Variants in ZNF536 observed in about 807,000 individuals in gnomAD.
ZNF536 encodes zinc finger protein 536.
In ZNF536, 13 loss-of-function variants were observed where a neutral mutation model predicts 84.5. The observed-to-expected ratio is 0.15, with a 90% CI of 0.10 to 0.24. The LOEUF (loss-of-function observed/expected upper bound fraction) is 0.24, where lower values mean the gene tolerates loss of function less well. Ranked by LOEUF, ZNF536 falls within the 10% of genes least tolerant of loss-of-function variation. The pLI, the probability that ZNF536 is intolerant of heterozygous loss-of-function variation, is 1.00. For synonymous variants in ZNF536, 811 were observed against 742.5 expected, an observed-to-expected ratio of 1.09 and a Z score of -1.50; for missense variants, 1,536 against 1,747.5, an observed-to-expected ratio of 0.88 and a Z score of 2.16.
intron 2 of ZNF536, among the ~76,000 whole-genome samples, chr19:30,506,641 G>A (rs1966227876): frequency 6.6e-6 from 1 of 152,218 alleles, no homozygotes; most frequent in East Asian, 1.9e-4. Context: ...GGGGTGTGGG[G>A]TGCATGTGCG....
rs1210264833 is a variant in ZNF536, at chr19:30,291,122, T to TA, written c.-120+6981_-120+6982insA. Among the ~76,000 whole-genome samples, 3 of 152,246 alleles carry TA rather than the reference T, an allele frequency of 2.0e-5. No homozygotes were observed. The East Asian group carries it at 5.8e-4, about 29-fold the overall frequency. On this transcript the variant is annotated intron_variant, in intron 2 of 5. Transcript: ENST00000585628. ...ATTTTGGTTGGTTCCAAGTCTTTAC[T>TA]TTGTAGATAGTGCTGCAAAAAATAT... is the stretch of plus-strand genomic sequence containing the variant.
Position 30,702,374 on chromosome 19 carries a change from G to T in ZNF536, c.170-8383G>T, listed in dbSNP as rs2148009094. Among the ~76,000 whole-genome samples the T allele has an allele frequency of 1.3e-5, 2 of 152,166 alleles. 1 individual carries two copies. The highest frequency in any genetic ancestry group is 4.1e-4 in the South Asian group (2 of 4,824). ...GCGACAATACAAATTAACGTATGATGTACTTACTTTTCGCATGGCAGTGAT... is the reference window on the plus strand; with the variant it reads ...GCGACAATACAAATTAACGTATGATTTACTTACTTTTCGCATGGCAGTGAT... On this transcript the variant is annotated intron_variant, in intron 1 of 1. Transcript: ENST00000592773.
intron 2 of ZNF536, among the ~76,000 whole-genome samples, chr19:30,485,603 C>CT (rs60352241): frequency 0.093 from 13,122 of 141,248 alleles, 1,426 homozygotes; most frequent in African/African-American, 0.27. Flanking sequence ...TTTTTTTCTT[C>CT]TTTTTTTTTT....
intron 1 of ZNF536, among the ~76,000 whole-genome samples, chr19:30,707,055 T>C (rs7254171): frequency 0.23 from 34,605 of 152,038 alleles, 4,013 homozygotes; most frequent in East Asian, 0.33. Flanking sequence ...TAGCTCGAAC[T>C]CTCTCTCAGT....
intron 1 of ZNF536, among the ~76,000 whole-genome samples, chr19:30,622,917 A>G (rs1600062232): frequency 6.8e-6 from 1 of 147,544 alleles, no homozygotes; most frequent in South Asian, 2.1e-4. Flanking sequence ...CCCCTGCCCC[A>G]TCTTGGACCC....
chr19:30,467,935 C>T (rs756456707), intron 2 of ZNF536, among the ~76,000 whole-genome samples: 2 of 152,240 alleles, frequency 1.3e-5, no homozygotes, highest in Non-Finnish European at 2.9e-5. Context: ...CCTGGCCGCA[C>T]AGCGGCCTGT....
At chr19:30,396,588 C>A (rs2049826952) in intron 1 of ZNF536, among the ~76,000 whole-genome samples, 1 of 89,998 alleles carries the variant, frequency 1.1e-5, no homozygotes. Context: ...TGAGAGGGCT[C>A]TCTCTTTTTT....
intron 3 of ZNF536, among the ~76,000 whole-genome samples, chr19:30,355,517 A>G (rs769932958): frequency 2.0e-5 from 3 of 152,002 alleles, no homozygotes; most frequent in Non-Finnish European, 2.9e-5. Context: ...CCTCCCAAGT[A>G]ACTAGGACTA....
intron 3 of ZNF536, among the ~76,000 whole-genome samples, chr19:30,357,029 G>A (rs1009228239): frequency 3.3e-5 from 5 of 152,238 alleles, no homozygotes; most frequent in African/African-American, 9.6e-5. Context: ...GACAGACAAG[G>A]GCCCTGTCCT....
rs1305856958 is a variant in ZNF536, at chr19:30,445,626, G to A, written c.2064G>A (p.Thr688=). The change falls in exon 2 of 5, where the codon ACG becomes ACA. Residue 688 remains threonine, a synonymous_variant. Coordinates refer to ENST00000355537, the MANE Select transcript of ZNF536 (RefSeq NM_014717.3). The surrounding 1 kb of genome is among the most constrained non-coding windows in gnomAD (Gnocchi z 4.5). ...CCCAGTCGGTGAGCCGCTCCACCACGCCGGGCTCCTCTAACGTCACCGAGG... is the reference window on the plus strand; with the variant it reads ...CCCAGTCGGTGAGCCGCTCCACCACACCGGGCTCCTCTAACGTCACCGAGG... ...QESQSVSRST[T]PGSSNVTEES... is the part of the protein sequence containing the mutation. The A allele has an allele frequency of 3.1e-6, 5 of 1,612,706 alleles. No homozygotes were observed. The highest frequency in any genetic ancestry group is 4.2e-6 in the Non-Finnish European group (5 of 1,179,600).
rs112754972 is a variant in ZNF536, at chr19:30,680,358, C to T, written c.170-30399C>T. Among the ~76,000 whole-genome samples the T allele has an allele frequency of 2.7e-5, 4 of 149,674 alleles. No homozygotes were observed. The South Asian group carries it at 6.4e-4, about 24-fold the overall frequency. The stretch of plus-strand genomic sequence containing the variant: ...TGTTGGTGTGCTGCACCCATTAACT[C>T]GTCATTTAGCATTAGGTATATCTCC... On this transcript the variant is annotated intron_variant, in intron 1 of 1. Transcript: ENST00000592773.
At chr19:30,703,175 G>A (rs2052063355) in intron 1 of ZNF536, among the ~76,000 whole-genome samples, 1 of 152,174 alleles carries the variant, frequency 6.6e-6, no homozygotes, top group South Asian at 2.1e-4. Context: ...CGATCAGGGA[G>A]GATCGAGCAA....
At chr19:30,495,124 A>C (rs2054667443) in intron 2 of ZNF536, among the ~76,000 whole-genome samples, 1 of 152,208 alleles carries the variant, frequency 6.6e-6, no homozygotes, top group African/African-American at 2.4e-5. Flanking sequence ...TGGGACACCA[A>C]GTAAACCTTG....
At position 30,444,534 on chromosome 19, in the gene ZNF536, C is replaced by T. The variant is rs2148187652; in HGVS notation, c.972C>T (p.Ile324=). The part of the protein sequence containing the change: ...ELISHVEKAH[I]TAESAQGQGP... ...TCAGCCACGTGGAGAAGGCACACAT[C>T]ACGGCCGAGTCGGCCCAGGGCCAGG... Residue 324 remains isoleucine, a synonymous_variant, in exon 2 of 5, where the codon ATC becomes ATT. Transcript: ENST00000355537. The T allele has an allele frequency of 1.2e-6, 2 of 1,613,156 alleles. No individual in the cohort carries two copies. The highest frequency in any genetic ancestry group is 1.7e-6 in the Non-Finnish European group (2 of 1,179,910).
At chr19:30,389,027 T>C (rs2049466476) in intron 1 of ZNF536, among the ~76,000 whole-genome samples, 1 of 152,226 alleles carries the variant, frequency 6.6e-6, no homozygotes, top group Non-Finnish European at 1.5e-5. Context: ...GGGAGTCCCA[T>C]GCCCCATCTC....
At position 30,660,845 on chromosome 19, in the gene ZNF536, T is replaced by C. The variant is rs979740682; in HGVS notation, c.170-49912T>C. 4.6e-5 allele frequency among the ~76,000 whole-genome samples: 7 copies of C among 152,340 alleles called. No homozygotes were observed. The South Asian group carries it at 6.2e-4, about 14-fold the overall frequency. On this transcript the variant is annotated intron_variant, in intron 1 of 1. Coordinates refer to the ZNF536 transcript ENST00000592773. Reference sequence around the variant, plus strand: ...GAGGAGGTCACAATGGTGATGTTCATTTTATAGATAAATATATTTATGTGC... The same window carrying C: ...GAGGAGGTCACAATGGTGATGTTCACTTTATAGATAAATATATTTATGTGC...
intron 1 of ZNF536, among the ~76,000 whole-genome samples, chr19:30,685,905 C>A (rs1237517134): frequency 1.3e-5 from 2 of 152,194 alleles, no homozygotes; most frequent in Non-Finnish European, 2.9e-5. Context: ...GCTACATGAG[C>A]ATTTGCGTGA....
chr19:30,679,113 C>T (rs2050868538), intron 1 of ZNF536, among the ~76,000 whole-genome samples: 1 of 151,994 alleles, frequency 6.6e-6, no homozygotes, highest in Non-Finnish European at 1.5e-5. Context: ...CAGGGGTGAA[C>T]GGGCTGCCCA....
At chr19:30,658,229 C>T (rs2049990748) in intron 1 of ZNF536, among the ~76,000 whole-genome samples, 1 of 152,030 alleles carries the variant, frequency 6.6e-6, no homozygotes, top group African/African-American at 2.4e-5. Flanking sequence ...ATCATATTGG[C>T]CAGACTAGTC....
Sources: allele counts gnomAD v4.1 joint callset (sites outside exome capture counted in the v4.1 genomes callset), GRCh38; gene constraint gnomAD v4.1.1; non-coding constraint Gnocchi (gnomAD v3.1); transcripts MANE v1.5; gene names NCBI Gene and HGNC (gene_info 2026-07-23, HGNC 2026-07-21).